RERGL: variants seen among roughly 807,000 people sequenced by gnomAD.
The protein encoded by RERGL is RERG like.
A neutral mutation model predicts 24.7 loss-of-function variants in RERGL; 22 were observed. The ratio of observed to expected loss-of-function variants is 0.89; its 90% CI spans 0.64 to 1.27. The LOEUF is 1.27. Among genes scored for constraint, RERGL ranks in the 50% most tolerant of loss-of-function variants. RERGL has a pLI of 0.00. For missense variants in RERGL, 259 were observed against 235.3 expected (o/e 1.10, Z -0.66); for synonymous variants, 76 against 82.6 (o/e 0.92, Z 0.43).
chr12:18,085,480 A>G (rs536707526), intron 3 of RERGL, 140 bp downstream of exon 3: 1 of 603,790 alleles, frequency 1.7e-6, no homozygotes, highest in Admixed American at 3.6e-5. Context: ...AATTTTTGAT[A>G]ATTAAAATGA....
chr12:18,089,126 C>T, intron 1 of RERGL, 170 bp from the exon 2 acceptor site: 1 of 1,171,948 alleles, frequency 8.5e-7, no homozygotes, highest in Non-Finnish European at 1.2e-6. Flanking sequence ...TTCCATGGTA[C>T]AAACAAATGA....
intron 1 of RERGL, 111 bp downstream of exon 1, chr12:18,089,978 T>A: frequency 1.4e-6 from 1 of 693,996 alleles, no homozygotes; most frequent in South Asian, 3.4e-5. Context: ...TTATTATAGA[T>A]ATATTTTCAT....
Position 18,081,415 on chromosome 12 carries a change from C to G in RERGL, c.391G>C (p.Glu131Gln), listed in dbSNP as rs375616148. The change falls in exon 5 of 5, where the codon GAG becomes CAG. Residue 131 changes from glutamate to glutamine, a missense_variant. Coordinates refer to ENST00000538724, the MANE Select transcript of RERGL (RefSeq NM_001286201.2). ...TTTTGCCCTTCTTCCCAGCCAACCTCTCGCACATGACAAAGATCTCGTTTG... is the reference window on the plus strand; with the variant it reads ...TTTTGCCCTTCTTCCCAGCCAACCTGTCGCACATGACAAAGATCTCGTTTG... Reference protein sequence around the residue: ...GNKRDLCHVREVGWEEGQKLA... With the variant: ...GNKRDLCHVRQVGWEEGQKLA... The G allele has an allele frequency of 1.2e-6, 2 of 1,613,854 alleles. No individual in the cohort carries two copies. The highest frequency in any genetic ancestry group is 2.7e-5 in the African/African-American group (2 of 74,882).
rs1224442260 is a variant in RERGL, at chr12:18,084,550, C to G, written c.299G>C (p.Arg100Thr). Residue 100 changes from arginine (R) to threonine (T), a missense_variant, in exon 4 of 5, where the codon AGA becomes ACA. Arg to Thr is a moderately conservative substitution (Grantham distance 71). Transcript: ENST00000538724. ...SFAFAKALIY[R>T]IREPQTSHCK... ...ATGACTAGTTTGTGGCTCCCGGATTCTGTAGATCAGCGCTTTTGCAAAAGC... is the reference window on the plus strand; with the variant it reads ...ATGACTAGTTTGTGGCTCCCGGATTGTGTAGATCAGCGCTTTTGCAAAAGC... The G allele has an allele frequency of 4.3e-6, 7 of 1,610,296 alleles. No individual in the cohort carries two copies. Among genetic ancestry groups the G allele is most frequent in the Non-Finnish European group, 5.1e-6 (6 of 1,178,590 alleles).
At chr12:18,089,948 A>G in intron 1 of RERGL, 141 bp downstream of exon 1, 2 of 552,852 alleles carry the variant, frequency 3.6e-6, no homozygotes. Flanking sequence ...TAATGTGCCT[A>G]TCATCCCAGT....
chr12:18,089,230 T>G, intron 1 of RERGL: 1 of 1,607,572 alleles, frequency 6.2e-7, no homozygotes, highest in Admixed American at 1.7e-5. Context: ...GCCACTTACC[T>G]TTTGTAACAG....
In RERGL at chr12:18,081,371, T is replaced by C. The variant is rs1947169541; in HGVS notation, c.435A>G (p.Arg145=). 1 of 1,614,052 alleles carries C rather than the reference T, an allele frequency of 6.2e-7. No individual in the cohort carries two copies. Among genetic ancestry groups the C allele is most frequent in the Admixed American group, 1.7e-5 (1 of 60,002 alleles). The change falls in exon 5 of 5, where the codon CGA becomes CGG. Residue 145 remains arginine (R), a synonymous_variant. Coordinates refer to ENST00000538724, the MANE Select transcript of RERGL (RefSeq NM_001286201.2). ...CTGCAGACAGTTCACAGAATTGGCA[T>C]CGGTTTTCCAGTGCCAGCTTTTGCC... The part of the protein sequence containing the change: ...EEGQKLALEN[R]CQFCELSAAE...
At chr12:18,081,659 A>G (rs568213334) in intron 4 of RERGL, among the ~76,000 whole-genome samples, 186 bp from the exon 5 acceptor site, 1 of 152,256 alleles carries the variant, frequency 6.6e-6, no homozygotes, top group Non-Finnish European at 1.5e-5. Flanking sequence ...ATCATTTTAG[A>G]TAAAATGTAG....
Position 18,085,615 on chromosome 12 carries a change from C to T in RERGL, c.183+5G>A. 4 of 1,525,492 alleles carry T rather than the reference C, an allele frequency of 2.6e-6. No homozygotes were observed. Among genetic ancestry groups the T allele is most frequent in the Non-Finnish European group, 3.6e-6 (4 of 1,110,992 alleles). The allele number at this position is 1,525,492 out of a possible 1,614,324, so 94.5% of individuals were successfully genotyped here. Reference sequence around the variant, plus strand: ...TCAATAAAAAAGGTGTTTTGTTTTACTTACTTGAGAACAAGGGTCATATAT... The same window carrying T: ...TCAATAAAAAAGGTGTTTTGTTTTATTTACTTGAGAACAAGGGTCATATAT... On this transcript the variant is annotated splice_donor_5th_base_variant and intron_variant, in intron 3 of 4. Coordinates refer to ENST00000538724, the MANE Select transcript of RERGL (RefSeq NM_001286201.2).
intron 4 of RERGL, among the ~76,000 whole-genome samples, chr12:18,083,241 T>G (rs10840949): frequency 0.18 from 26,940 of 152,092 alleles, 3,158 homozygotes; most frequent in East Asian, 0.56. Flanking sequence ...TTTCCTAGTC[T>G]TTTTACAGAT....
intron 1 of RERGL, chr12:18,089,202 T>C: frequency 1.0e-5 from 16 of 1,589,028 alleles, no homozygotes; most frequent in Non-Finnish European, 1.3e-5. Context: ...AGTTAATTCA[T>C]TACCACAAAA....
At chr12:18,085,983 G>GAGTAGCTGGGACTAC (rs1205245082) in intron 2 of RERGL, among the ~76,000 whole-genome samples, 1 of 148,302 alleles carries the variant, frequency 6.7e-6, no homozygotes, top group African/African-American at 2.5e-5. Flanking sequence ...TCAGCCTCCC[G>GAGTAGCTGGGACTAC]AGTAGCTGGG....
At chr12:18,082,724 T>A (rs1243530950) in intron 4 of RERGL, among the ~76,000 whole-genome samples, 1 of 152,210 alleles carries the variant, frequency 6.6e-6, no homozygotes, top group Non-Finnish European at 1.5e-5. Flanking sequence ...AATATTTTCA[T>A]AAGCAAAAAT....
At chr12:18,085,323 C>T (rs1947209008) in intron 3 of RERGL, among the ~76,000 whole-genome samples, 2 of 152,126 alleles carry the variant, frequency 1.3e-5, no homozygotes, top group Admixed American at 1.3e-4. Context: ...CACTTATTAA[C>T]TTCTGACAGT....
intron 1 of RERGL, chr12:18,089,345 GAC>G: frequency 6.7e-7 from 1 of 1,486,854 alleles, no homozygotes; most frequent in Non-Finnish European, 8.9e-7. Context: ...TAGTCACAAA[GAC>G]ACTACCAAGT....
At position 18,090,089 on chromosome 12, in the gene RERGL, C is replaced by G; in HGVS notation, c.52G>C (p.Ala18Pro). 1 of 1,532,226 alleles carries G rather than the reference C, an allele frequency of 6.5e-7. No individual in the cohort carries two copies. The highest frequency in any genetic ancestry group is 8.7e-7 in the Non-Finnish European group (1 of 1,145,248). The allele number at this position is 1,532,226 out of a possible 1,614,324, so 94.9% of individuals were successfully genotyped here. The change falls in exon 1 of 5, where the codon GCC (alanine) becomes CCC (proline). Residue 18 changes from alanine (A) to proline (P), a missense_variant and splice_region_variant. Transcript: ENST00000538724. ...TAACAGAGAAGATGTCACCACTCAC[C>G]AGATTTGCCTGTTCCTTCACCACCC... ...VLGGEGTGKS[A>P]LTVRFLTKRF...
chr12:18,084,811 T>A (rs1947205027), intron 3 of RERGL, 146 bp from the exon 4 acceptor site: 1 of 550,010 alleles, frequency 1.8e-6, no homozygotes, highest in African/African-American at 1.9e-5. Flanking sequence ...TAGTTCTGTT[T>A]CTCTCTTATT....
At chr12:18,088,616 T>A (rs1397386287) in intron 2 of RERGL, among the ~76,000 whole-genome samples, 1 of 152,158 alleles carries the variant, frequency 6.6e-6, no homozygotes, top group Admixed American at 6.5e-5. Flanking sequence ...TTCAGTTACA[T>A]CTTCTACAAT....
intron 4 of RERGL, 135 bp downstream of exon 4, chr12:18,084,382 T>C (rs1947199359): frequency 7.4e-6 from 5 of 675,186 alleles, no homozygotes; most frequent in South Asian, 3.0e-5. Flanking sequence ...GTAACTCCTG[T>C]GGAATAGGAA....
Sources: allele counts gnomAD v4.1 joint callset (sites outside exome capture counted in the v4.1 genomes callset), GRCh38; gene constraint gnomAD v4.1.1; transcripts MANE v1.5; gene names NCBI Gene and HGNC (gene_info 2026-07-23, HGNC 2026-07-21).